The following SENP8 variants were observed in gnomAD, a reference collection of about 807,000 sequenced individuals.
The protein encoded by SENP8 is sentrin-specific protease 8.
In SENP8, 10 loss-of-function variants were observed where a neutral mutation model predicts 14.4. The observed-to-expected ratio is 0.69, with a 90% CI of 0.43 to 1.18. The LOEUF is 1.18. SENP8 is among the 50% of genes most tolerant of loss of function. SENP8 has a pLI of 0.00. For missense variants in SENP8, 202 were observed against 249.4 expected (o/e 0.81, Z 1.28); for synonymous variants, 94 against 95.5 (o/e 0.98, Z 0.09).
intron 1 of SENP8, among the ~76,000 whole-genome samples, chr15:72,122,816 CT>C (rs780629905): frequency 1.3e-4 from 20 of 152,336 alleles, no homozygotes; most frequent in Non-Finnish European, 2.6e-4. Flanking sequence ...CAGAAAATTT[CT>C]GAAAGTTCCT....
At chr15:72,116,357 G>A (rs1231250189), upstream of SENP8, among the ~76,000 whole-genome samples, 1 of 152,026 alleles carries the variant, frequency 6.6e-6, no homozygotes, top group Middle Eastern at 3.2e-3. Context: ...TTAAAATTAC[G>A]TACTGATCAT....
At chr15:72,132,248 G>A (rs188770946) in intron 1 of SENP8, among the ~76,000 whole-genome samples, 1 of 152,154 alleles carries the variant, frequency 6.6e-6, no homozygotes, top group Non-Finnish European at 1.5e-5. Flanking sequence ...CCTTCCCCTA[G>A]TCTTGCTTAC....
chr15:72,119,438 G>C (rs1596638322), intron 1 of SENP8, among the ~76,000 whole-genome samples: 1 of 152,210 alleles, frequency 6.6e-6, no homozygotes, highest in Non-Finnish European at 1.5e-5. Flanking sequence ...GAGACAGTTG[G>C]CTCTGTAACA....
At position 72,122,272 on chromosome 15, in the gene SENP8, G is replaced by C. The variant is rs1212310760; in HGVS notation, c.-48+3808G>C. ...CAAAGTATGTACTGTCTATATACCT[G>C]TCTATACCTGTGAGTCCTACATTTC... On this transcript the variant is annotated intron_variant, in intron 1 of 1. Coordinates refer to ENST00000340912, the MANE Select transcript of SENP8 (RefSeq NM_145204.4). 4.3e-5 allele frequency among the ~76,000 whole-genome samples: 6 copies of C among 140,252 alleles called. No individual in the cohort carries two copies. In the Admixed American group the frequency reaches 4.4e-4, roughly 10 times the overall value. The allele number at this position is 140,252 out of a possible 152,430, so 92.0% of individuals were successfully genotyped here. A position where few individuals can be genotyped will look rare whatever the true frequency, so the allele number is the denominator to read the frequency against.
chr15:72,126,226 A>G (rs2081217769), intron 1 of SENP8, among the ~76,000 whole-genome samples: 1 of 152,144 alleles, frequency 6.6e-6, no homozygotes. Flanking sequence ...TTTAAATTTT[A>G]GTTAATTAAA....
intron 1 of SENP8, among the ~76,000 whole-genome samples, chr15:72,131,113 G>C (rs2081269700): frequency 6.6e-6 from 1 of 152,178 alleles, no homozygotes; most frequent in African/African-American, 2.4e-5. Flanking sequence ...TGAGGCAGAA[G>C]GATGGCCTTG....
In SENP8 at chr15:72,140,550, A is replaced by T. The variant is rs2081372203; in HGVS notation, c.*288A>T. On this transcript the variant is annotated 3_prime_UTR_variant, in exon 2 of 2. Transcript: ENST00000340912. ...ACAGGGTTTACGTAAGACTTTTCTTATTGGTATATAATTAATTTCCTTTGG... is the reference window on the plus strand; with the variant it reads ...ACAGGGTTTACGTAAGACTTTTCTTTTTGGTATATAATTAATTTCCTTTGG... 2.9e-6 allele frequency: 1 copy of T among 347,558 alleles called. No individual in the cohort carries two copies. The highest frequency in any genetic ancestry group is 5.5e-6 in the Non-Finnish European group (1 of 181,832). The allele number at this position is 347,558 out of a possible 1,614,324, so 21.5% of individuals were successfully genotyped here. A position where few individuals can be genotyped will look rare whatever the true frequency, so the allele number is the denominator to read the frequency against.
At chr15:72,125,529 T>C (rs1422438359) in intron 1 of SENP8, among the ~76,000 whole-genome samples, 1 of 152,094 alleles carries the variant, frequency 6.6e-6, no homozygotes, top group Non-Finnish European at 1.5e-5. Context: ...TAAAACTCTT[T>C]ACTTTTTTAA....
intron 1 of SENP8, among the ~76,000 whole-genome samples, chr15:72,119,166 C>T (rs1300897326): frequency 6.6e-6 from 1 of 152,102 alleles, no homozygotes; most frequent in African/African-American, 2.4e-5. Context: ...GTAGAAGACT[C>T]AAAAGCGTAC....
chr15:72,118,085 C>T (rs547845858), upstream of SENP8: 86 of 393,444 alleles, frequency 2.2e-4, no homozygotes, highest in African/African-American at 1.5e-3. Context: ...GTCGCGCGCC[C>T]CCGACCCCGC....
chr15:72,128,996 C>G (rs889082559), intron 1 of SENP8, among the ~76,000 whole-genome samples: 5 of 152,060 alleles, frequency 3.3e-5, no homozygotes, highest in Non-Finnish European at 5.9e-5. Flanking sequence ...GGTCACAATT[C>G]TGGAATAGTA....
At chr15:72,120,572 G>A (rs1206696502) in intron 1 of SENP8, among the ~76,000 whole-genome samples, 1 of 152,140 alleles carries the variant, frequency 6.6e-6, no homozygotes, top group East Asian at 1.9e-4. Flanking sequence ...GACCTTGTTG[G>A]CAGTCCACCT....
chr15:72,133,238 A>G (rs534933613), intron 1 of SENP8, among the ~76,000 whole-genome samples: 11 of 152,308 alleles, frequency 7.2e-5, no homozygotes, highest in Non-Finnish European at 1.6e-4. Flanking sequence ...AGTTCTATAT[A>G]TTATAGCTGA....
upstream of SENP8, chr15:72,118,212 C>G (rs1322452172): frequency 2.8e-6 from 1 of 353,036 alleles, no homozygotes; most frequent in African/African-American, 2.1e-5. Flanking sequence ...CGCCCCCGCA[C>G]GTGACGCCAC....
chr15:72,117,851 G>T (rs369920875), upstream of SENP8: 125 of 398,606 alleles, frequency 3.1e-4, no homozygotes, highest in African/African-American at 2.4e-3. Context: ...GAGCGGCCGC[G>T]GCGCATCCCC....
chr15:72,143,669 TA>T lies in SENP8; in HGVS notation c.*3410del, dbSNP rs930491410. On this transcript the variant is annotated 3_prime_UTR_variant, in exon 2 of 2. Coordinates refer to ENST00000340912, the MANE Select transcript of SENP8 (RefSeq NM_145204.4). ...AACAGGTACTGTTATTCTCATTTTA[TA>T]AATAAACTCAGAAGCTCAGTCACGT... is the stretch of plus-strand genomic sequence containing the variant. The T allele has an allele frequency of 6.6e-5, 10 of 152,340 alleles. No homozygotes were observed. Among genetic ancestry groups the T allele is most frequent in the African/African-American group, 2.4e-4 (10 of 41,568 alleles). The allele number at this position is 152,340 out of a possible 1,614,324, so 9.4% of individuals were successfully genotyped here.
chr15:72,118,271 C>T (rs933847968), upstream of SENP8: 37 of 299,262 alleles, frequency 1.2e-4, 1 homozygote, highest in Admixed American at 1.9e-3. Flanking sequence ...TTCCTACGCC[C>T]CAGGCGGCCC....
chr15:72,132,427 T>C (rs1387225384), intron 1 of SENP8, among the ~76,000 whole-genome samples: 2 of 152,186 alleles, frequency 1.3e-5, no homozygotes, highest in Non-Finnish European at 2.9e-5. Flanking sequence ...AATCTAAATT[T>C]TCTGACTTCC....
At chr15:72,117,885 C>T (rs1435794575), upstream of SENP8, 2 of 398,252 alleles carry the variant, frequency 5.0e-6, no homozygotes, top group Admixed American at 8.8e-5. Flanking sequence ...AGACTCCGCC[C>T]GGCCTGAGCA....
Sources: allele counts gnomAD v4.1 joint callset (sites outside exome capture counted in the v4.1 genomes callset), GRCh38; gene constraint gnomAD v4.1.1; transcripts MANE v1.5; gene names NCBI Gene and HGNC (gene_info 2026-07-23, HGNC 2026-07-21).